GABBR2: variants seen among roughly 807,000 people sequenced by gnomAD.
The protein encoded by GABBR2 is G-protein coupled receptor 51.
Under a neutral mutation model 105.6 loss-of-function variants are expected in GABBR2, and 23 were observed. The observed-to-expected ratio is 0.22, with a 90% confidence interval of 0.16 to 0.31. GABBR2 has a LOEUF of 0.31. Ranked by LOEUF, GABBR2 falls within the 10% of genes least tolerant of loss-of-function variation. The pLI, the probability that GABBR2 is intolerant of heterozygous loss-of-function variation, is 1.00. For missense variants in GABBR2, 734 were observed against 1,245.5 expected, an observed-to-expected ratio of 0.59 and a Z score of 6.18; for synonymous variants, 478 against 499.7, an observed-to-expected ratio of 0.96 and a Z score of 0.58.
At chr9:98,352,593 C>G (rs773602466) in intron 13 of GABBR2, among the ~76,000 whole-genome samples, 11 of 152,066 alleles carry the variant, frequency 7.2e-5, no homozygotes, top group Non-Finnish European at 1.3e-4. Flanking sequence ...TGCATGGATG[C>G]TGGTTATGGT....
intron 2 of GABBR2, among the ~76,000 whole-genome samples, chr9:98,551,872 A>C (rs1312618736): frequency 2.0e-5 from 3 of 152,190 alleles, no homozygotes; most frequent in Non-Finnish European, 4.4e-5. Context: ...TCATCTCTGA[A>C]AGTGATGGAT....
chr9:98,353,860 G>A (rs1166186356), intron 13 of GABBR2, among the ~76,000 whole-genome samples: 4 of 152,126 alleles, frequency 2.6e-5, no homozygotes, highest in East Asian at 1.9e-4. Flanking sequence ...AAATTCTCAC[G>A]AGATCTAATA....
chr9:98,373,851 C>CTTTTTTTTT (rs577915397), intron 11 of GABBR2, among the ~76,000 whole-genome samples: 16 of 86,694 alleles, frequency 1.8e-4, no homozygotes, highest in African/African-American at 5.4e-4. Context: ...CAAAGCATTC[C>CTTTTTTTTT]TTTTTTTTTT....
chr9:98,522,500 A>T (rs1827887115), intron 3 of GABBR2, among the ~76,000 whole-genome samples: 1 of 152,188 alleles, frequency 6.6e-6, no homozygotes, highest in African/African-American at 2.4e-5. Context: ...AAAAAACTTT[A>T]TCTCCAAAGG....
At chr9:98,414,863 C>G (rs538360229) in intron 7 of GABBR2, among the ~76,000 whole-genome samples, 3 of 152,222 alleles carry the variant, frequency 2.0e-5, no homozygotes, top group Non-Finnish European at 2.9e-5. Context: ...TAGGATCTAT[C>G]GGAGAACCCT....
chr9:98,388,786 C>T lies in GABBR2; in HGVS notation c.1529+68G>A. 7.5e-7 allele frequency: 1 copy of T among 1,340,440 alleles called. No individual in the cohort carries two copies. The allele number at this position is 1,340,440 out of a possible 1,614,324, so 83.0% of individuals were successfully genotyped here. A position where few individuals can be genotyped will look rare whatever the true frequency, so the allele number is the denominator to read the frequency against. On this transcript the variant is annotated intron_variant, in intron 10 of 18. Transcript: ENST00000259455. The surrounding 1 kb of genome is among the most constrained non-coding windows in gnomAD (Gnocchi z 4.4). Reference sequence around the variant, plus strand: ...CCTGGGGAATCTGTCATGTGGCACTCCTATACTGTGTCCATAGGCTTGTCA... The same window carrying T: ...CCTGGGGAATCTGTCATGTGGCACTTCTATACTGTGTCCATAGGCTTGTCA...
At chr9:98,575,412 G>A (rs1828893511) in intron 2 of GABBR2, among the ~76,000 whole-genome samples, 1 of 152,142 alleles carries the variant, frequency 6.6e-6, no homozygotes. Context: ...TGGGGAGTGG[G>A]AGGAGACAGG....
At chr9:98,538,674 A>C (rs1828229770) in intron 3 of GABBR2, 1 of 751,988 alleles carries the variant, frequency 1.3e-6, no homozygotes. Context: ...AAGCCCCTCC[A>C]CCACCCCCTC....
intron 7 of GABBR2, among the ~76,000 whole-genome samples, chr9:98,414,363 GAAATCC>G (rs1268720213): frequency 6.6e-6 from 1 of 152,168 alleles, no homozygotes; most frequent in Admixed American, 6.5e-5. Context: ...AAGAGATTGG[GAAATCC>G]AAGGACCTGA....
intron 12 of GABBR2, among the ~76,000 whole-genome samples, 161 bp from the exon 13 acceptor site, chr9:98,362,998 T>C (rs1297333116): frequency 1.3e-5 from 2 of 152,158 alleles, no homozygotes; most frequent in Non-Finnish European, 2.9e-5. Flanking sequence ...GCCAAGCTCC[T>C]CTGTGTGACA....
At chr9:98,483,072 C>A (rs930638740) in intron 4 of GABBR2, among the ~76,000 whole-genome samples, 9 of 152,154 alleles carry the variant, frequency 5.9e-5, no homozygotes, top group Admixed American at 5.2e-4. Flanking sequence ...CAGTTGGATT[C>A]TCTCAGGCAC....
At chr9:98,376,164 T>C (rs1831870130) in intron 11 of GABBR2, among the ~76,000 whole-genome samples, 1 of 152,158 alleles carries the variant, frequency 6.6e-6, no homozygotes, top group African/African-American at 2.4e-5. Context: ...AGTCTCCAAA[T>C]GGAAGGAAAA....
intron 1 of GABBR2, among the ~76,000 whole-genome samples, chr9:98,675,062 C>T (rs763305662): frequency 3.3e-5 from 5 of 152,146 alleles, no homozygotes; most frequent in Non-Finnish European, 7.4e-5. Flanking sequence ...CTTCCCCAGG[C>T]CTCTTAGAGG....
At chr9:98,352,666 G>A (rs541620312) in intron 13 of GABBR2, among the ~76,000 whole-genome samples, 2 of 152,260 alleles carry the variant, frequency 1.3e-5, no homozygotes, top group Admixed American at 6.5e-5. Context: ...GGGTCCTGCT[G>A]CTGGAGGGGG....
intron 13 of GABBR2, among the ~76,000 whole-genome samples, chr9:98,349,349 GTTTTTTTTTTT>G (rs1182072320): frequency 5.0e-4 from 12 of 24,234 alleles, no homozygotes; most frequent in East Asian, 4.4e-3. Flanking sequence ...TTGAAGTTTT[GTTTTTTTTTTT>G]TTTTTTTTTT....
At position 98,668,883 on chromosome 9, in the gene GABBR2, TTGTGTGTGTGTGTG is replaced by T. The variant is rs35341252; in HGVS notation, c.321+39520_321+39533del. ...CTTTCAGGATAAATTATATTCCATT[TTGTGTGTGTGTGTG>T]TGTGTGTGTGTGTGTGTGTGTACAC... On this transcript the variant is annotated intron_variant, in intron 1 of 18. Transcript: ENST00000259455. Among the ~76,000 whole-genome samples the T allele has an allele frequency of 4.6e-3, 675 of 147,704 alleles. 4 individuals are homozygous for T. Among genetic ancestry groups the T allele is most frequent in the African/African-American group, 0.016 (633 of 40,238 alleles).
chr9:98,446,448 C>T (rs556749900), intron 7 of GABBR2, among the ~76,000 whole-genome samples: 1 of 152,276 alleles, frequency 6.6e-6, no homozygotes, highest in South Asian at 2.1e-4. Flanking sequence ...ACACTGTGAC[C>T]TGTTTTTACT....
rs76355283 is a variant in GABBR2 at position 98,421,282 on chromosome 9, G to A, written c.1237-15141C>T. On this transcript the variant is annotated intron_variant, in intron 7 of 18. Transcript: ENST00000259455. The stretch of plus-strand genomic sequence containing the variant: ...TTGTGAAACTGGGTTTTCAGTGGTT[G>A]CTGTGACGAAAAGCAAGTATGTATA... 6.4e-3 allele frequency among the ~76,000 whole-genome samples: 968 copies of A among 152,280 alleles called. 11 individuals are homozygous for A. The highest frequency in any genetic ancestry group is 0.022 in the African/African-American group (905 of 41,530).
Position 98,306,952 on chromosome 9 carries a change from CTT to C in GABBR2, c.2005-609_2005-608del, listed in dbSNP as rs1252903009. 2.6e-5 allele frequency among the ~76,000 whole-genome samples: 4 copies of C among 152,138 alleles called. No individual in the cohort carries two copies. Among genetic ancestry groups the C allele is most frequent in the Non-Finnish European group, 5.9e-5 (4 of 68,018 alleles). ...GGTGTGCACATGTTCTGGGAAGTGTCTTTAAAGGGAAGAGGTGTTGCTTTTCC... is the reference window on the plus strand; with the variant it reads ...GGTGTGCACATGTTCTGGGAAGTGTCTAAAGGGAAGAGGTGTTGCTTTTCC... On this transcript the variant is annotated intron_variant, in intron 14 of 18. Coordinates refer to ENST00000259455, the MANE Select transcript of GABBR2 (RefSeq NM_005458.8). This position sits in a 1 kb window ranked among gnomAD's most constrained non-coding sequence, Gnocchi z 5.4.
Sources: gnomAD v4.1 joint callset for allele counts (sites outside exome capture counted in the v4.1 genomes callset) on GRCh38, gnomAD v4.1.1 for gene constraint, Gnocchi (gnomAD v3.1) non-coding constraint, MANE v1.5 for transcripts, NCBI Gene and HGNC (gene_info 2026-07-23, HGNC 2026-07-21) for gene names.